Variants in SCGB2B2 observed in about 807,000 individuals in gnomAD.
The protein encoded by SCGB2B2 is secretoglobin-like protein.
Under a neutral mutation model 7.6 loss-of-function variants are expected in SCGB2B2, and 11 were observed. The observed-to-expected ratio is 1.45, with a 90% CI of 0.91 to 2.40. SCGB2B2 has a LOEUF of 2.40. SCGB2B2 is among the 30% of genes most tolerant of loss of function. The pLI is 0.00. For synonymous variants in SCGB2B2, 50 were observed against 48.6 expected (o/e 1.03, Z -0.12); for missense variants, 104 against 115.4 (o/e 0.90, Z 0.45).
intron 1 of SCGB2B2, among the ~76,000 whole-genome samples, chr19:34,636,365 G>C (rs1323897313): frequency 6.6e-6 from 1 of 152,174 alleles, no homozygotes; most frequent in Admixed American, 6.5e-5. Context: ...CTAGGGAGGA[G>C]CAAGGGCACA....
chr19:34,640,393 G>C (rs1315443785), intron 1 of SCGB2B2: 3 of 152,196 alleles, frequency 2.0e-5, no homozygotes, highest in Admixed American at 6.5e-5. Context: ...TTACAGGTGT[G>C]AGCCCCTGCA....
intron 1 of SCGB2B2, among the ~76,000 whole-genome samples, chr19:34,650,406 G>A (rs1021085847): frequency 2.0e-5 from 3 of 151,198 alleles, no homozygotes; most frequent in African/African-American, 4.9e-5. Flanking sequence ...ACATCACTGC[G>A]GAATTGGGCT....
intron 1 of SCGB2B2, among the ~76,000 whole-genome samples, chr19:34,641,551 T>C (rs1013007662): frequency 1.3e-5 from 2 of 152,170 alleles, no homozygotes; most frequent in Admixed American, 6.5e-5. Context: ...GTTTGGAGTT[T>C]CGTTTTGGAA....
At chr19:34,612,018 AATTCTT>A (rs2065941804) in intron 1 of SCGB2B2, among the ~76,000 whole-genome samples, 1 of 78,676 alleles carries the variant, frequency 1.3e-5, no homozygotes, top group South Asian at 3.8e-4. Flanking sequence ...TGTTTTAGAA[AATTCTT>A]TTTTTTTTTT....
chr19:34,593,408 A>G lies in SCGB2B2; in HGVS notation c.*147T>C. 3 of 628,242 alleles carry G rather than the reference A, an allele frequency of 4.8e-6. No individual in the cohort carries two copies. The highest frequency in any genetic ancestry group is 2.8e-5 in the East Asian group (1 of 36,196). The allele number at this position is 628,242 out of a possible 1,614,324, so 38.9% of individuals were successfully genotyped here. Reference sequence around the variant, plus strand: ...GGTCACACTCTGCATATGCGGTCACAGCCAACCCCACACAGATGCCAGAAC... The same window carrying G: ...GGTCACACTCTGCATATGCGGTCACGGCCAACCCCACACAGATGCCAGAAC... On this transcript the variant is annotated 3_prime_UTR_variant, in exon 4 of 4. Transcript: ENST00000601241.
chr19:34,633,544 A>G (rs1051783632), intron 1 of SCGB2B2, among the ~76,000 whole-genome samples: 1 of 152,202 alleles, frequency 6.6e-6, no homozygotes, highest in African/African-American at 2.4e-5. Flanking sequence ...CCATTTATGT[A>G]AAGTTTTAGA....
intron 1 of SCGB2B2, among the ~76,000 whole-genome samples, chr19:34,598,065 G>A (rs2065512842): frequency 6.6e-6 from 1 of 152,126 alleles, no homozygotes; most frequent in African/African-American, 2.4e-5. Flanking sequence ...TGGCAGAGGG[G>A]TCAGCGGGGG....
chr19:34,619,092 C>T (rs1600050569), intron 1 of SCGB2B2, among the ~76,000 whole-genome samples: 2 of 152,256 alleles, frequency 1.3e-5, no homozygotes, highest in Admixed American at 6.5e-5. Context: ...ATTAGAGTCC[C>T]ATGACCTAAA....
intron 1 of SCGB2B2, among the ~76,000 whole-genome samples, chr19:34,674,840 C>T (rs1429569032): frequency 6.6e-6 from 1 of 152,170 alleles, no homozygotes; most frequent in African/African-American, 2.4e-5. Context: ...CTCCAGAAAA[C>T]ACATTCAGTT....
chr19:34,607,904 TTCA>T lies in SCGB2B2; in HGVS notation c.-2031-11313_-2031-11311del, dbSNP rs1212054713. Among the ~76,000 whole-genome samples the T allele has an allele frequency of 3.3e-5, 5 of 152,216 alleles. No individual in the cohort carries two copies. The East Asian group carries it at 9.6e-4, about 29-fold the overall frequency. On this transcript the variant is annotated intron_variant, in intron 1 of 3. Coordinates refer to ENST00000601241, the MANE Select transcript of SCGB2B2 (RefSeq NM_001025591.4). ...CATTTTTTAGGTTAATACCTCCAGC[TTCA>T]TCTTCTCACTCAGAATTCTTTTGGC...
In SCGB2B2 at chr19:34,612,018, A is replaced by ATTTTTTTTT. The variant is rs1568431496; in HGVS notation, c.-2031-15425_-2031-15424insAAAAAAAAA. Among the ~76,000 whole-genome samples the ATTTTTTTTT allele has an allele frequency of 1.1e-4, 9 of 78,672 alleles. No homozygotes were observed. The East Asian group carries it at 3.1e-3, about 27-fold the overall frequency. 51.6% of individuals were successfully genotyped at this position (78,672 alleles called of 152,430 possible). ...ATTTTCATATATTTGTGTTTTAGAAAATTCTTTTTTTTTTTTTTTTTTTTT... is the reference window on the plus strand; with the variant it reads ...ATTTTCATATATTTGTGTTTTAGAAATTTTTTTTTATTCTTTTTTTTTTTTTTTTTTTTT... On this transcript the variant is annotated intron_variant, in intron 1 of 3. Coordinates refer to ENST00000601241, the MANE Select transcript of SCGB2B2 (RefSeq NM_001025591.4).
chr19:34,673,228 GCT>G (rs374230565), intron 1 of SCGB2B2, among the ~76,000 whole-genome samples: 4 of 151,890 alleles, frequency 2.6e-5, no homozygotes, highest in African/African-American at 7.3e-5. Context: ...TCTCCTTATT[GCT>G]CTCTCTCTCT....
In SCGB2B2 at chr19:34,595,972, TG is replaced by T. The variant is rs1482870266; in HGVS notation, c.-1410del. The stretch of plus-strand genomic sequence containing the variant: ...CCGGTGCAGAGGACACTCACTGGGC[TG>T]CTGAGAGCCATGTAGAACCGCAGAG... On this transcript the variant is annotated 5_prime_UTR_variant, in exon 2 of 4. An upstream open reading frame in the 5' UTR gains an earlier in-frame stop. Coordinates refer to ENST00000601241, the MANE Select transcript of SCGB2B2 (RefSeq NM_001025591.4). The T allele has an allele frequency of 6.6e-6, 1 of 152,300 alleles. No individual in the cohort carries two copies. Among genetic ancestry groups the T allele is most frequent in the African/African-American group, 2.4e-5 (1 of 41,452 alleles). 9.4% of individuals were successfully genotyped at this position (152,300 alleles called of 1,614,324 possible). A position where few individuals can be genotyped will look rare whatever the true frequency, so the allele number is the denominator to read the frequency against.
intron 1 of SCGB2B2, among the ~76,000 whole-genome samples, chr19:34,633,210 TGGC>T (rs1320288366): frequency 6.6e-6 from 1 of 152,214 alleles, no homozygotes; most frequent in East Asian, 1.9e-4. Flanking sequence ...TCAATGGCAC[TGGC>T]TTCTCTGTGT....
chr19:34,632,745 T>C (rs1456408784), intron 1 of SCGB2B2: 1 of 152,240 alleles, frequency 6.6e-6, no homozygotes, highest in Non-Finnish European at 1.5e-5. Flanking sequence ...TTATGCTTAT[T>C]TTCTGTATTT....
intron 1 of SCGB2B2, among the ~76,000 whole-genome samples, chr19:34,648,971 C>G (rs1257941121): frequency 4.6e-5 from 7 of 152,028 alleles, no homozygotes; most frequent in Non-Finnish European, 1.0e-4. Context: ...GGTGCGATCT[C>G]AACTCACTGC....
chr19:34,645,507 GACAC>G (rs1157095886), intron 1 of SCGB2B2: 1 of 114,128 alleles, frequency 8.8e-6, no homozygotes, highest in Non-Finnish European at 1.6e-5. Context: ...TGCATACACA[GACAC>G]ACAGACACAC....
At chr19:34,607,173 A>G (rs1221375559) in intron 1 of SCGB2B2, among the ~76,000 whole-genome samples, 1 of 152,224 alleles carries the variant, frequency 6.6e-6, no homozygotes, top group Non-Finnish European at 1.5e-5. Flanking sequence ...CTATTTCACT[A>G]GGCATAATGT....
At chr19:34,608,385 A>G (rs1282206654) in intron 1 of SCGB2B2, among the ~76,000 whole-genome samples, 1 of 151,162 alleles carries the variant, frequency 6.6e-6, no homozygotes, top group Non-Finnish European at 1.5e-5. Context: ...TGCTATAGAA[A>G]ACTAGAACTT....
Sources: gnomAD v4.1 joint callset for allele counts (sites outside exome capture counted in the v4.1 genomes callset) on GRCh38, gnomAD v4.1.1 for gene constraint, MANE v1.5 for transcripts, NCBI Gene and HGNC (gene_info 2026-07-23, HGNC 2026-07-21) for gene names.